GALNT14: variants seen among roughly 807,000 people sequenced by gnomAD.
GALNT14 encodes UDP-GalNAc:polypeptide N-acetylgalactosaminyltransferase 14.
Under a neutral mutation model 77.5 loss-of-function variants are expected in GALNT14, and 60 were observed. The ratio of observed to expected loss-of-function variants is 0.77; its 90% confidence interval spans 0.63 to 0.96. The LOEUF is 0.96. Among genes scored for constraint, GALNT14 ranks in the 40% least tolerant of loss-of-function variants. The pLI is 0.00. For synonymous variants in GALNT14, 280 were observed against 281.7 expected, an observed-to-expected ratio of 0.99 and a Z score of 0.06; for missense variants, 710 against 731.0, an observed-to-expected ratio of 0.97 and a Z score of 0.33.
intron 13 of GALNT14, among the ~76,000 whole-genome samples, chr2:30,922,420 G>A (rs1257808121): frequency 6.6e-6 from 1 of 152,176 alleles, no homozygotes; most frequent in Non-Finnish European, 1.5e-5. Flanking sequence ...CACAGGAAGA[G>A]AGACCAGGAT....
chr2:31,097,524 CAA>C (rs56242365), intron 1 of GALNT14, among the ~76,000 whole-genome samples: 11 of 137,346 alleles, frequency 8.0e-5, no homozygotes, highest in Admixed American at 2.9e-4. Context: ...AACAAACAAG[CAA>C]AAAAAAAAAA....
At chr2:30,904,690 G>C in the GALNT14 span, among the ~76,000 whole-genome samples, 4 of 152,230 alleles carry the variant, frequency 2.6e-5, no homozygotes, top group African/African-American at 7.2e-5. Context: ...CAGGAAGCTC[G>C]AACTGGGCGG....
intron 4 of GALNT14, among the ~76,000 whole-genome samples, chr2:30,956,638 C>T (rs1005408698): frequency 3.3e-5 from 5 of 152,206 alleles, no homozygotes; most frequent in Admixed American, 2.0e-4. Flanking sequence ...TCCCAGATAG[C>T]TGGGACCACA....
At chr2:31,049,301 A>G (rs1220015639) in intron 1 of GALNT14, among the ~76,000 whole-genome samples, 1 of 152,182 alleles carries the variant, frequency 6.6e-6, no homozygotes, top group African/African-American at 2.4e-5. Flanking sequence ...TGCCCAAAGC[A>G]GGAATGATTT....
At chr2:31,054,541 C>T (rs1573254974) in intron 1 of GALNT14, among the ~76,000 whole-genome samples, 1 of 152,196 alleles carries the variant, frequency 6.6e-6, no homozygotes, top group African/African-American at 2.4e-5. Context: ...CAGCATAGCG[C>T]CTACCCCATT....
At chr2:31,023,979 A>G (rs1454537407) in intron 1 of GALNT14, among the ~76,000 whole-genome samples, 1 of 152,004 alleles carries the variant, frequency 6.6e-6, no homozygotes, top group Non-Finnish European at 1.5e-5. Context: ...TTAAGGTCTA[A>G]AATATATCCT....
chr2:30,952,764 A>C (rs1002330074), intron 6 of GALNT14, among the ~76,000 whole-genome samples: 2 of 151,956 alleles, frequency 1.3e-5, no homozygotes, highest in Non-Finnish European at 2.9e-5. Flanking sequence ...GCATAATAAA[A>C]AAAAAAAAAA....
chr2:31,084,270 A>C (rs941560041), intron 1 of GALNT14, among the ~76,000 whole-genome samples: 1 of 152,266 alleles, frequency 6.6e-6, no homozygotes, highest in Non-Finnish European at 1.5e-5. Flanking sequence ...AGCCTGGTCA[A>C]GACAACATAC....
At chr2:30,982,238 T>C (rs1041229086) in intron 2 of GALNT14, among the ~76,000 whole-genome samples, 4 of 152,144 alleles carry the variant, frequency 2.6e-5, no homozygotes, top group Non-Finnish European at 2.9e-5. Context: ...TGATTGATAA[T>C]GAGGACTTGG....
intron 9 of GALNT14, among the ~76,000 whole-genome samples, chr2:30,933,713 A>T (rs1238239719): frequency 1.3e-5 from 2 of 152,218 alleles, no homozygotes. Context: ...ACATGGGGGA[A>T]AGGAAACAGG....
intron 1 of GALNT14, among the ~76,000 whole-genome samples, chr2:31,035,477 G>C (rs1672657477): frequency 6.6e-6 from 1 of 150,880 alleles, no homozygotes; most frequent in Non-Finnish European, 1.5e-5. Flanking sequence ...TTGTGTTTTT[G>C]AATCTCAAGT....
chr2:30,982,955 T>C (rs1021122996), intron 2 of GALNT14, among the ~76,000 whole-genome samples: 3 of 152,124 alleles, frequency 2.0e-5, no homozygotes, highest in African/African-American at 7.2e-5. Flanking sequence ...CTCAACAGTA[T>C]TGTCTTCTCC....
intron 6 of GALNT14, among the ~76,000 whole-genome samples, chr2:30,952,541 AT>A (rs1449585306): frequency 6.8e-6 from 1 of 146,466 alleles, no homozygotes; most frequent in East Asian, 2.1e-4. Context: ...ATTCTCACTC[AT>A]AAGTGGGAAT....
intron 9 of GALNT14, among the ~76,000 whole-genome samples, chr2:30,937,275 T>C (rs1666110964): frequency 6.6e-6 from 1 of 152,214 alleles, no homozygotes; most frequent in Non-Finnish European, 1.5e-5. Flanking sequence ...ACTTTCATTA[T>C]CTAATTAATC....
intron 1 of GALNT14, among the ~76,000 whole-genome samples, chr2:31,001,215 A>G (rs1017347185): frequency 4.6e-5 from 7 of 152,132 alleles, no homozygotes; most frequent in African/African-American, 1.7e-4. Context: ...CACCACGGCA[A>G]ACCAGATACT....
At chr2:30,917,278 G>A (rs1320575459) in intron 13 of GALNT14, among the ~76,000 whole-genome samples, 2 of 152,070 alleles carry the variant, frequency 1.3e-5, no homozygotes, top group Non-Finnish European at 2.9e-5. Context: ...CTATGGCTGG[G>A]TGAAGGAGTG....
intron 1 of GALNT14, among the ~76,000 whole-genome samples, chr2:31,045,794 CCT>C (rs568203407): frequency 8.1e-4 from 124 of 152,224 alleles, no homozygotes; most frequent in African/African-American, 2.9e-3. Flanking sequence ...GCCATTTCTC[CCT>C]GTTTCCTGAG....
chr2:31,112,310 A>G (rs1240307191), intron 1 of GALNT14, among the ~76,000 whole-genome samples: 3 of 152,138 alleles, frequency 2.0e-5, no homozygotes, highest in Admixed American at 2.0e-4. Flanking sequence ...ATCGGAGCCA[A>G]CCTCCTGATC....
At chr2:30,916,486 C>T (rs1338559409) in intron 13 of GALNT14, among the ~76,000 whole-genome samples, 1 of 152,210 alleles carries the variant, frequency 6.6e-6, no homozygotes, top group Non-Finnish European at 1.5e-5. Flanking sequence ...GGTGACCCTG[C>T]CCCCTCCACT....
Sources: gnomAD v4.1 joint callset for allele counts (sites outside exome capture counted in the v4.1 genomes callset) on GRCh38, gnomAD v4.1.1 for gene constraint, MANE v1.5 for transcripts, NCBI Gene and HGNC (gene_info 2026-07-23, HGNC 2026-07-21) for gene names.